The following MET variants were observed in gnomAD, a reference collection of about 807,000 sequenced individuals.
The protein encoded by MET is MET proto-oncogene, receptor tyrosine kinase.
Under a neutral mutation model 133.1 loss-of-function variants are expected in MET, and 48 were observed. The observed-to-expected ratio is 0.36, with a 90% CI of 0.29 to 0.46. The LOEUF is 0.46. Among genes scored for constraint, MET ranks in the 20% least tolerant of loss-of-function variants. MET has a pLI of 1.00. For missense variants in MET, 1,442 were observed against 1,695.9 expected, an observed-to-expected ratio of 0.85 and a Z score of 2.63; for synonymous variants, 628 against 616.5, an observed-to-expected ratio of 1.02 and a Z score of -0.28.
At chr7:116,720,074 C>G (rs1486639307) in intron 2 of MET, among the ~76,000 whole-genome samples, 3 of 152,166 alleles carry the variant, frequency 2.0e-5, no homozygotes, top group Non-Finnish European at 4.4e-5. Context: ...TATAAATTAC[C>G]TTGGGCAGTA....
intron 1 of MET, among the ~76,000 whole-genome samples, chr7:116,675,305 T>G (rs1796117724): frequency 6.6e-6 from 1 of 152,204 alleles, no homozygotes; most frequent in Non-Finnish European, 1.5e-5. Flanking sequence ...GAGAAGTTTA[T>G]GATCTAGATA....
chr7:116,695,308 C>A (rs75975306), intron 1 of MET, among the ~76,000 whole-genome samples: 4,234 of 152,218 alleles, frequency 0.028, 86 homozygotes, highest in South Asian at 0.072. Flanking sequence ...TGTCCCTAAT[C>A]CTTTTCTTCT....
chr7:116,752,228 G>C (rs1169320835), intron 5 of MET, among the ~76,000 whole-genome samples: 1 of 152,104 alleles, frequency 6.6e-6, no homozygotes, highest in Non-Finnish European at 1.5e-5. Context: ...GAGGAAAGGA[G>C]ACCCCTTTTG....
chr7:116,749,867 A>C (rs1025152757), intron 5 of MET, among the ~76,000 whole-genome samples: 3 of 152,198 alleles, frequency 2.0e-5, no homozygotes, highest in Admixed American at 2.0e-4. Context: ...CAATTGCTAC[A>C]AAGAGAATAA....
rs1395827839 is a variant in MET at position 116,699,958 on chromosome 7, A to C, written c.874A>C (p.Met292Leu). The part of the protein sequence containing the change: ...CSINSGLHSY[M>L]EMPLECILTE... ...CATAAACTCTGGATTGCATTCCTACATGGAAATGCCTCTGGAGTGTATTCT... is the reference window on the plus strand; with the variant it reads ...CATAAACTCTGGATTGCATTCCTACCTGGAAATGCCTCTGGAGTGTATTCT... Residue 292 changes from methionine (M) to leucine (L), a missense_variant, in exon 2 of 21, where the codon ATG becomes CTG. Around this residue, in one of 6 missense-constraint regions of MET, gnomAD observed 762 missense variants for 792.4 expected, o/e 0.96. Coordinates refer to ENST00000397752, the MANE Select transcript of MET (RefSeq NM_000245.4). 1 of 1,613,930 alleles carries C rather than the reference A, an allele frequency of 6.2e-7. No homozygotes were observed. The highest frequency in any genetic ancestry group is 1.3e-5 in the African/African-American group (1 of 74,930).
chr7:116,700,353 A>T (rs955873518), intron 2 of MET, 69 bp downstream of exon 2: 36 of 1,523,860 alleles, frequency 2.4e-5, no homozygotes, highest in Admixed American at 6.3e-5. Flanking sequence ...AGTCTCAAAA[A>T]GAATATCCAG....
chr7:116,783,699 C>T (rs1795221676), intron 19 of MET, among the ~76,000 whole-genome samples: 1 of 152,148 alleles, frequency 6.6e-6, no homozygotes, highest in South Asian at 2.1e-4. Context: ...CCTTAGGAAG[C>T]CCAGAGCTGA....
At chr7:116,780,263 C>T (rs1351387400) in intron 17 of MET, among the ~76,000 whole-genome samples, 1 of 151,824 alleles carries the variant, frequency 6.6e-6, no homozygotes, top group Non-Finnish European at 1.5e-5. Context: ...GCCTCAAGCT[C>T]CGTCTCGGTT....
chr7:116,771,766 A>T (rs1794841574), intron 13 of MET, 83 bp from the exon 14 acceptor site: 2 of 1,610,852 alleles, frequency 1.2e-6, no homozygotes. Flanking sequence ...CATAAAACCC[A>T]TGAGTTCTGG....
At chr7:116,720,492 G>A (rs375569461) in intron 2 of MET, among the ~76,000 whole-genome samples, 35 of 130,224 alleles carry the variant, frequency 2.7e-4, no homozygotes, top group African/African-American at 9.5e-4. Flanking sequence ...TCTCCTGCCT[G>A]ATTGCCCTGG....
At position 116,798,316 on chromosome 7, in the gene MET, A is replaced by G; in HGVS notation, c.*2192A>G. 5.0e-6 allele frequency: 1 copy of G among 199,346 alleles called. No homozygotes were observed. Among genetic ancestry groups the G allele is most frequent in the East Asian group, 7.8e-5 (1 of 12,768 alleles). The allele number at this position is 199,346 out of a possible 1,614,324, so 12.3% of individuals were successfully genotyped here. On this transcript the variant is annotated 3_prime_UTR_variant, in exon 21 of 21. Coordinates refer to ENST00000397752, the MANE Select transcript of MET (RefSeq NM_000245.4). The stretch of plus-strand genomic sequence containing the variant: ...CTGCCTATACCTGCAGCTGAACTGA[A>G]TGGTACTTCGTATGTTAATAGTTGT...
Position 116,755,338 on chromosome 7 carries a change from C to G in MET, c.1702-17C>G, listed in dbSNP as rs753362371. On this transcript the variant is annotated splice_polypyrimidine_tract_variant and intron_variant, in intron 5 of 20. Coordinates refer to ENST00000397752, the MANE Select transcript of MET (RefSeq NM_000245.4). ...AATATATTGGGTTTTTTTAAAAGTT[C>G]TATGTTGTCCTTGTAGGTTTTCCCA... is the stretch of plus-strand genomic sequence containing the variant. The G allele has an allele frequency of 1.2e-6, 2 of 1,613,474 alleles. No homozygotes were observed. The highest frequency in any genetic ancestry group is 1.7e-6 in the Non-Finnish European group (2 of 1,179,720).
At chr7:116,680,925 A>C (rs1796333375) in intron 1 of MET, among the ~76,000 whole-genome samples, 1 of 152,106 alleles carries the variant, frequency 6.6e-6, no homozygotes, top group South Asian at 2.1e-4. Context: ...ATGGGTGACA[A>C]AGAGAGACCC....
chr7:116,795,798 A>G lies in MET; in HGVS notation c.3935+7A>G. On this transcript the variant is annotated splice_region_variant and intron_variant, in intron 20 of 20. Transcript: ENST00000397752. ...AATACTGCCCAGACCCCTTGTAAGT[A>G]GTCTTTCTGTACCTCTTACGTTCTT... is the stretch of plus-strand genomic sequence containing the variant. 6.2e-7 allele frequency: 1 copy of G among 1,614,218 alleles called. No individual in the cohort carries two copies.
intron 12 of MET, among the ~76,000 whole-genome samples, chr7:116,770,427 G>A (rs1360199227): frequency 6.6e-6 from 1 of 152,080 alleles, no homozygotes; most frequent in Non-Finnish European, 1.5e-5. Context: ...TATACATAAT[G>A]TAATGTTTGC....
rs1215872095 is a variant in MET, at chr7:116,763,186, T to C, written c.2501T>C (p.Ile834Thr). ...ATCCTTTCCAAATACTTTGATCTCA[T>C]TTATGTACATAATCCTGTGTTTAAG... ...DGILSKYFDL[I>T]YVHNPVFKPF... The change falls in exon 11 of 21, where the codon ATT (isoleucine) becomes ACT (threonine). Residue 834 changes from isoleucine (I) to threonine (T), a missense_variant. Around this residue, in one of 6 missense-constraint regions of MET, gnomAD observed 514 missense variants for 659.6 expected, o/e 0.78. Transcript: ENST00000397752. The C allele has an allele frequency of 3.7e-6, 6 of 1,613,966 alleles. No homozygotes were observed. The highest frequency in any genetic ancestry group is 5.1e-6 in the Non-Finnish European group (6 of 1,179,992).
At chr7:116,786,233 G>T (rs1795309232) in intron 19 of MET, among the ~76,000 whole-genome samples, 1 of 152,246 alleles carries the variant, frequency 6.6e-6, no homozygotes, top group Non-Finnish European at 1.5e-5. Context: ...ACTAATCCCA[G>T]CATGAATGCC....
intron 2 of MET, among the ~76,000 whole-genome samples, chr7:116,708,838 G>C (rs1791891424): frequency 6.6e-6 from 1 of 152,098 alleles, no homozygotes; most frequent in South Asian, 2.1e-4. Context: ...GGAGGGGATT[G>C]TCCTTTTACC....
At chr7:116,775,672 A>G (rs1460047648) in intron 15 of MET, among the ~76,000 whole-genome samples, 4 of 152,148 alleles carry the variant, frequency 2.6e-5, no homozygotes, top group Non-Finnish European at 4.4e-5. Context: ...GTGCCACAGC[A>G]CTCCAGCCTG....
Sources: allele counts gnomAD v4.1 joint callset (sites outside exome capture counted in the v4.1 genomes callset), GRCh38; gene constraint gnomAD v4.1.1; regional missense constraint gnomAD v4.1.1; transcripts MANE v1.5; gene names NCBI Gene and HGNC (gene_info 2026-07-23, HGNC 2026-07-21).